The following ALMS1 variants were observed in gnomAD, a reference collection of about 807,000 sequenced individuals.
ALMS1 encodes centrosome-associated protein ALMS1.
In ALMS1, 271 loss-of-function variants were observed where a neutral mutation model predicts 352.2. The observed-to-expected ratio is 0.77, with a 90% CI of 0.70 to 0.85. The LOEUF (loss-of-function observed/expected upper bound fraction) is 0.85. ALMS1 is among the 40% of genes least tolerant of loss of function. The probability of loss-of-function intolerance (pLI) is 0.00; values close to 1 mark genes in which losing one functional copy is unlikely to be tolerated. For synonymous variants in ALMS1, 1,865 were observed against 1,761.2 expected (o/e 1.06, Z -1.48); for missense variants, 5,445 against 4,870.7 (o/e 1.12, Z -3.51).
intron 9 of ALMS1, among the ~76,000 whole-genome samples, chr2:73,487,605 G>C (rs949328428): frequency 6.6e-6 from 1 of 152,164 alleles, no homozygotes; most frequent in Non-Finnish European, 1.5e-5. Context: ...CGGGGAGGGG[G>C]CATGTTTCAG....
intron 6 of ALMS1, among the ~76,000 whole-genome samples, chr2:73,428,486 GAAAC>G (rs1389593906): frequency 1.3e-5 from 2 of 152,214 alleles, no homozygotes; most frequent in East Asian, 3.9e-4. Flanking sequence ...ATAACAATGA[GAAAC>G]AAAGTAACAA....
In ALMS1 at chr2:73,504,998, T is replaced by C. The variant is rs189885201; in HGVS notation, c.9539+13500T>C. ...GTTTGGTTTTCTATTCCTGTGTTAG[T>C]TTGCTGAGAATGATGGTTTCCAGCT... On this transcript the variant is annotated intron_variant, in intron 10 of 22. Transcript: ENST00000613296. Among the ~76,000 whole-genome samples, 173 of 152,306 alleles carry C rather than the reference T, an allele frequency of 1.1e-3. 1 individual carries two copies. Among genetic ancestry groups the C allele is most frequent in the African/African-American group, 3.5e-3 (146 of 41,562 alleles).
intron 16 of ALMS1, among the ~76,000 whole-genome samples, chr2:73,581,484 G>C (rs1320075766): frequency 1.3e-5 from 2 of 152,226 alleles, no homozygotes; most frequent in African/African-American, 4.8e-5. Context: ...ATAGCAGAAG[G>C]CTAAGTTAAA....
intron 9 of ALMS1, among the ~76,000 whole-genome samples, chr2:73,464,162 A>G (rs1672272026): frequency 6.6e-6 from 1 of 152,208 alleles, no homozygotes; most frequent in East Asian, 1.9e-4. Flanking sequence ...TTTTAGACCA[A>G]TATCCCTGAT....
intron 12 of ALMS1, among the ~76,000 whole-genome samples, chr2:73,538,870 TAAAC>T (rs1417440795): frequency 6.6e-6 from 1 of 151,986 alleles, no homozygotes; most frequent in African/African-American, 2.4e-5. Context: ...CTTGAGTAGG[TAAAC>T]AAAGCGGCCG....
At chr2:73,486,988 G>T (rs10207271) in intron 9 of ALMS1, among the ~76,000 whole-genome samples, 1 of 152,152 alleles carries the variant, frequency 6.6e-6, no homozygotes, top group Admixed American at 6.5e-5. Context: ...CTGGGAGGTC[G>T]TGGCTTCAGT....
intron 1 of ALMS1, among the ~76,000 whole-genome samples, chr2:73,403,905 C>T (rs1670920285): frequency 6.6e-6 from 1 of 151,918 alleles, no homozygotes; most frequent in Non-Finnish European, 1.5e-5. Context: ...TGGGTTTATT[C>T]TTTTTTCTTT....
chr2:73,560,889 A>C (rs1290572199), intron 15 of ALMS1, among the ~76,000 whole-genome samples: 1 of 152,208 alleles, frequency 6.6e-6, no homozygotes, highest in East Asian at 1.9e-4. Context: ...CCTTGGGTTT[A>C]AACAGGAGAG....
intron 15 of ALMS1, among the ~76,000 whole-genome samples, chr2:73,569,243 G>C (rs895256089): frequency 1.3e-5 from 2 of 151,794 alleles, no homozygotes; most frequent in Non-Finnish European, 2.9e-5. Flanking sequence ...TTGAACTCCT[G>C]ACCTCAAGTA....
chr2:73,468,077 TTTA>T (rs1390994943), intron 9 of ALMS1, among the ~76,000 whole-genome samples: 3 of 151,958 alleles, frequency 2.0e-5, no homozygotes. Context: ...TTATTAAAGA[TTTA>T]TTATATATTA....
At chr2:73,584,453 C>T (rs1460739793) in intron 16 of ALMS1, among the ~76,000 whole-genome samples, 1 of 152,102 alleles carries the variant, frequency 6.6e-6, no homozygotes, top group East Asian at 1.9e-4. Flanking sequence ...GTTAAATGTT[C>T]AGGAGTGATC....
At chr2:73,493,753 A>G (rs1398400642) in intron 10 of ALMS1, among the ~76,000 whole-genome samples, 2 of 152,182 alleles carry the variant, frequency 1.3e-5, no homozygotes, top group Non-Finnish European at 2.9e-5. Flanking sequence ...GTATGTATAA[A>G]ATATTTATAA....
At chr2:73,559,256 T>C in intron 15 of ALMS1, 114 bp downstream of exon 15, 1 of 1,351,478 alleles carries the variant, frequency 7.4e-7, no homozygotes, top group Non-Finnish European at 1.0e-6. Flanking sequence ...AAACAAAAAT[T>C]CCTTTTCTTT....
intron 4 of ALMS1, 60 bp downstream of exon 4, chr2:73,423,034 T>G: frequency 1.4e-6 from 2 of 1,445,408 alleles, no homozygotes; most frequent in Non-Finnish European, 1.9e-6. Context: ...TTTACTAATA[T>G]TAGTGACTTC....
chr2:73,522,173 T>C (rs192638029), intron 11 of ALMS1, among the ~76,000 whole-genome samples: 1 of 152,224 alleles, frequency 6.6e-6, no homozygotes, highest in Non-Finnish European at 1.5e-5. Flanking sequence ...ATTCTTTATT[T>C]GTCTCAGGTC....
chr2:73,413,907 A>T (rs548791197), intron 2 of ALMS1, among the ~76,000 whole-genome samples: 1 of 152,280 alleles, frequency 6.6e-6, no homozygotes, highest in Admixed American at 6.5e-5. Context: ...ATGTATCCTC[A>T]TGCCAATATT....
chr2:73,397,795 G>A (rs539600301), intron 1 of ALMS1, among the ~76,000 whole-genome samples: 24 of 152,200 alleles, frequency 1.6e-4, no homozygotes, highest in Middle Eastern at 3.4e-3. Context: ...GCAGTTTTAG[G>A]TTCACAGCCA....
chr2:73,473,073 G>C (rs1027636127), intron 9 of ALMS1, among the ~76,000 whole-genome samples: 1 of 152,016 alleles, frequency 6.6e-6, no homozygotes, highest in Admixed American at 6.6e-5. Flanking sequence ...AGAATGCTAC[G>C]TACATGCCTA....
chr2:73,515,476 T>G (rs1259231420), intron 10 of ALMS1, among the ~76,000 whole-genome samples: 1 of 152,034 alleles, frequency 6.6e-6, no homozygotes, highest in Non-Finnish European at 1.5e-5. Context: ...TGTTGGATAT[T>G]GTAAATAAGA....
Sources: gnomAD v4.1 joint callset for allele counts (sites outside exome capture counted in the v4.1 genomes callset) on GRCh38, gnomAD v4.1.1 for gene constraint, MANE v1.5 for transcripts, NCBI Gene and HGNC (gene_info 2026-07-23, HGNC 2026-07-21) for gene names.